Variants in FHOD3 observed in about 807,000 individuals in gnomAD.
The protein encoded by FHOD3 is FH1/FH2 domain-containing protein 3.
A neutral mutation model predicts 173.0 loss-of-function variants in FHOD3; 90 were observed. The observed-to-expected ratio is 0.52, with a 90% CI of 0.44 to 0.62. FHOD3 has a LOEUF of 0.62. Among genes scored for constraint, FHOD3 ranks in the 20% least tolerant of loss-of-function variants. The probability of loss-of-function intolerance (pLI) is 0.00; values close to 1 mark genes in which losing one functional copy is unlikely to be tolerated. For missense variants in FHOD3, 1,945 were observed against 2,034.7 expected, an observed-to-expected ratio of 0.96 and a Z score of 0.85; for synonymous variants, 828 against 823.0, an observed-to-expected ratio of 1.01 and a Z score of -0.10.
At chr18:36,458,666 GT>G (rs35141522) in intron 3 of FHOD3, among the ~76,000 whole-genome samples, 13,051 of 104,806 alleles carry the variant, frequency 0.12, 221 homozygotes, top group East Asian at 0.24. Context: ...TTTTTGTTAG[GT>G]TTTTTTTTTT....
chr18:36,675,221 A>G (rs1224388476), intron 14 of FHOD3, among the ~76,000 whole-genome samples: 3 of 152,138 alleles, frequency 2.0e-5, no homozygotes, highest in Non-Finnish European at 4.4e-5. Context: ...GTCCCTGGCC[A>G]TGCAAGTTCT....
chr18:36,302,763 T>G (rs1418438278), intron 1 of FHOD3, among the ~76,000 whole-genome samples: 1 of 152,246 alleles, frequency 6.6e-6, no homozygotes, highest in East Asian at 1.9e-4. Context: ...ATGAGATCAT[T>G]AGTAAACTTG....
chr18:36,514,230 C>T (rs2055832660), intron 5 of FHOD3, among the ~76,000 whole-genome samples: 1 of 151,978 alleles, frequency 6.6e-6, no homozygotes, highest in South Asian at 2.1e-4. Flanking sequence ...AGGATGGTCT[C>T]GTTCTCCTGA....
At chr18:36,711,005 C>T (rs761688597) in intron 18 of FHOD3, 9 of 152,148 alleles carry the variant, frequency 5.9e-5, no homozygotes, top group Non-Finnish European at 1.3e-4. Flanking sequence ...CAATATTCTT[C>T]CAAAGAAGGA....
At chr18:36,456,782 G>A (rs1015640614) in intron 3 of FHOD3, among the ~76,000 whole-genome samples, 16 of 152,102 alleles carry the variant, frequency 1.1e-4, no homozygotes, top group Non-Finnish European at 2.1e-4. Flanking sequence ...GCTCTTGCCT[G>A]CCCATGTAAA....
intron 17 of FHOD3, among the ~76,000 whole-genome samples, chr18:36,695,670 T>C (rs2039241037): frequency 6.6e-6 from 1 of 152,276 alleles, no homozygotes; most frequent in East Asian, 1.9e-4. Flanking sequence ...ATTTATAAAA[T>C]TGGACATCGC....
At chr18:36,644,950 C>T (rs2149028396) in intron 10 of FHOD3, among the ~76,000 whole-genome samples, 1 of 152,124 alleles carries the variant, frequency 6.6e-6, no homozygotes, top group Non-Finnish European at 1.5e-5. Context: ...GAGGAGAGGC[C>T]CATCGGTTGG....
At position 36,482,854 on chromosome 18, in the gene FHOD3, CACACAGAGAGAGAGAG is replaced by C. The variant is rs1183014768; in HGVS notation, c.338-19076_338-19061del. Among the ~76,000 whole-genome samples the C allele has an allele frequency of 3.2e-3, 311 of 97,940 alleles. 2 individuals are homozygous for C. Among genetic ancestry groups the C allele is most frequent in the Middle Eastern group, 0.016 (4 of 250 alleles). The allele number at this position is 97,940 out of a possible 152,430, so 64.3% of individuals were successfully genotyped here. ...ACACACACACACACACACTCACACA[CACACAGAGAGAGAGAG>C]AGAGAGAGAGAGAGAGAGAGAGAGA... On this transcript the variant is annotated intron_variant, in intron 3 of 28. Coordinates refer to ENST00000590592, the MANE Select transcript of FHOD3 (RefSeq NM_001281740.3).
intron 1 of FHOD3, among the ~76,000 whole-genome samples, chr18:36,346,516 A>G (rs147778622): frequency 6.6e-6 from 1 of 152,338 alleles, no homozygotes; most frequent in East Asian, 1.9e-4. Flanking sequence ...CAAGAAACTC[A>G]AGATTTTGCC....
chr18:36,370,712 C>A, intron 2 of FHOD3, among the ~76,000 whole-genome samples: 1 of 152,310 alleles, frequency 6.6e-6, no homozygotes, highest in East Asian at 1.9e-4. Flanking sequence ...ATTCATTTGA[C>A]ATTTACCATT....
At chr18:36,451,989 G>T (rs181303559) in intron 3 of FHOD3, among the ~76,000 whole-genome samples, 41 of 150,414 alleles carry the variant, frequency 2.7e-4, no homozygotes, top group African/African-American at 1.0e-3. Flanking sequence ...GTCCACTTTT[G>T]TACCCCCTTT....
chr18:36,714,335 G>A (rs1477613030), intron 18 of FHOD3, among the ~76,000 whole-genome samples: 1 of 152,056 alleles, frequency 6.6e-6, no homozygotes, highest in Non-Finnish European at 1.5e-5. Context: ...TCAGGGGTTC[G>A]AGACCAGCCT....
At chr18:36,375,284 T>A (rs1704680927) in intron 3 of FHOD3, among the ~76,000 whole-genome samples, 1 of 152,230 alleles carries the variant, frequency 6.6e-6, no homozygotes, top group African/African-American at 2.4e-5. Flanking sequence ...TTAGTCTTTG[T>A]TTCTTCTCAA....
At chr18:36,577,150 G>C (rs750440349) in intron 6 of FHOD3, among the ~76,000 whole-genome samples, 21 of 151,740 alleles carry the variant, frequency 1.4e-4, no homozygotes, top group Non-Finnish European at 2.8e-4. Context: ...TGTATTTCAT[G>C]TTCGTGTGTA....
intron 3 of FHOD3, among the ~76,000 whole-genome samples, chr18:36,487,954 G>C (rs1188208381): frequency 1.3e-5 from 2 of 152,178 alleles, no homozygotes; most frequent in Non-Finnish European, 2.9e-5. Flanking sequence ...GACAAAACCA[G>C]TATTTAAGCT....
At chr18:36,484,057 C>A (rs186583613) in intron 3 of FHOD3, among the ~76,000 whole-genome samples, 58 of 152,324 alleles carry the variant, frequency 3.8e-4, no homozygotes, top group African/African-American at 1.4e-3. Flanking sequence ...TCAAGTTCCC[C>A]AGGTGATTGC....
intron 19 of FHOD3, among the ~76,000 whole-genome samples, chr18:36,725,102 A>G (rs1410457608): frequency 6.6e-6 from 1 of 152,196 alleles, no homozygotes; most frequent in African/African-American, 2.4e-5. Context: ...TTTCACATCC[A>G]GCCAACCCCT....
At chr18:36,433,552 G>C (rs1273491876) in intron 3 of FHOD3, among the ~76,000 whole-genome samples, 1 of 152,190 alleles carries the variant, frequency 6.6e-6, no homozygotes, top group Admixed American at 6.5e-5. Context: ...GTGGTCTAGT[G>C]CAAGGCTACT....
chr18:36,410,299 A>T (rs576159187), intron 3 of FHOD3, among the ~76,000 whole-genome samples: 23 of 152,226 alleles, frequency 1.5e-4, no homozygotes, highest in African/African-American at 5.3e-4. Context: ...ACTTAGCATA[A>T]CTTCTCAAGG....
Sources: gnomAD v4.1 joint callset for allele counts (sites outside exome capture counted in the v4.1 genomes callset) on GRCh38, gnomAD v4.1.1 for gene constraint, MANE v1.5 for transcripts, NCBI Gene and HGNC (gene_info 2026-07-23, HGNC 2026-07-21) for gene names.